ZNF609: variants seen among roughly 807,000 people sequenced by gnomAD.
ZNF609 encodes zinc finger protein 609.
A neutral mutation model predicts 109.5 loss-of-function variants in ZNF609; 11 were observed. The ratio of observed to expected loss-of-function variants is 0.10; its 90% CI spans 0.06 to 0.17. The LOEUF (loss-of-function observed/expected upper bound fraction) is 0.17, where lower values mean the gene tolerates loss of function less well. Ranked by LOEUF, ZNF609 falls within the 10% of genes least tolerant of loss-of-function variation. The pLI, the probability that ZNF609 is intolerant of heterozygous loss-of-function variation, is 1.00. For missense variants in ZNF609, 1,559 were observed against 1,772.4 expected (o/e 0.88, Z 2.16); for synonymous variants, 646 against 662.0 (o/e 0.98, Z 0.37).
At chr15:64,608,147 T>A (rs1895643981) in intron 2 of ZNF609, among the ~76,000 whole-genome samples, 1 of 152,074 alleles carries the variant, frequency 6.6e-6, no homozygotes, top group Non-Finnish European at 1.5e-5. Flanking sequence ...TCCGCCCGCC[T>A]TGGCCTCCCA....
At chr15:64,546,705 C>T (rs1463528810) in intron 2 of ZNF609, among the ~76,000 whole-genome samples, 1 of 151,798 alleles carries the variant, frequency 6.6e-6, no homozygotes, top group Non-Finnish European at 1.5e-5. Flanking sequence ...AGCTCCTAGA[C>T]TCAAGCAATC....
chr15:64,579,775 C>G (rs1046566338), intron 2 of ZNF609, among the ~76,000 whole-genome samples: 2 of 151,834 alleles, frequency 1.3e-5, no homozygotes, highest in Non-Finnish European at 2.9e-5. Context: ...CTATTATTGT[C>G]ATACAAATGA....
At chr15:64,485,955 T>C (rs926655546) in intron 1 of ZNF609, among the ~76,000 whole-genome samples, 3 of 152,204 alleles carry the variant, frequency 2.0e-5, no homozygotes, top group Non-Finnish European at 2.9e-5. Context: ...CACTTTTGTA[T>C]ATATGTGTTT....
At chr15:64,483,276 G>C (rs1893282738) in intron 1 of ZNF609, among the ~76,000 whole-genome samples, 1 of 152,134 alleles carries the variant, frequency 6.6e-6, no homozygotes, top group African/African-American at 2.4e-5. Context: ...TGTATTTTTA[G>C]TGGAGACGGG....
chr15:64,681,357 C>G lies in ZNF609; in HGVS notation c.4211C>G (p.Ser1404Ter). ...GCCAGCCAACAAGGCTCAACTCCCT[C>G]ACTCTACCCACCCCCCAGGAGGTGA... ...IVASQQGSTP[S>*]LYPPPRR Residue 1404 changes from serine to a stop codon, truncating the protein, a stop_gained, in exon 9 of 10, where the codon TCA becomes TGA. Coordinates refer to ENST00000326648, the MANE Select transcript of ZNF609 (RefSeq NM_015042.2). LOFTEE classifies it high-confidence loss of function. The G allele has an allele frequency of 1.2e-6, 2 of 1,614,128 alleles. No homozygotes were observed. Among genetic ancestry groups the G allele is most frequent in the Non-Finnish European group, 1.7e-6 (2 of 1,179,984 alleles).
At chr15:64,461,917 T>G (rs185583113) in intron 1 of ZNF609, among the ~76,000 whole-genome samples, 209 of 152,242 alleles carry the variant, frequency 1.4e-3, no homozygotes, top group Non-Finnish European at 2.0e-3. Flanking sequence ...GAGTGCTGGT[T>G]TAGGCTGTTG....
chr15:64,489,969 A>T (rs1346595886), intron 1 of ZNF609, among the ~76,000 whole-genome samples: 1 of 150,160 alleles, frequency 6.7e-6, no homozygotes, highest in African/African-American at 2.5e-5. Context: ...ATTTTTATTT[A>T]CTTGTTTGAG....
At chr15:64,504,305 C>CT (rs1233776887) in intron 2 of ZNF609, among the ~76,000 whole-genome samples, 1 of 152,188 alleles carries the variant, frequency 6.6e-6, no homozygotes, top group Admixed American at 6.5e-5. Flanking sequence ...ATAGAAGAAA[C>CT]TAAGACCAGT....
At chr15:64,588,360 G>A (rs150210092) in intron 2 of ZNF609, among the ~76,000 whole-genome samples, 6,648 of 128,824 alleles carry the variant, frequency 0.052, 224 homozygotes, top group South Asian at 0.097. Flanking sequence ...CCCAGGAGGC[G>A]GAGCTTGCAG....
At chr15:64,482,235 A>G (rs1893264778) in intron 1 of ZNF609, among the ~76,000 whole-genome samples, 1 of 152,238 alleles carries the variant, frequency 6.6e-6, no homozygotes, top group South Asian at 2.1e-4. Context: ...TTCTAGTACA[A>G]ATGATGATAG....
At chr15:64,468,036 G>A (rs1893038905) in intron 1 of ZNF609, among the ~76,000 whole-genome samples, 1 of 149,222 alleles carries the variant, frequency 6.7e-6, no homozygotes, top group Non-Finnish European at 1.5e-5. Context: ...TTTTGAGGCA[G>A]GGCCTTGCTC....
At chr15:64,633,797 C>T (rs1190909545) in intron 3 of ZNF609, among the ~76,000 whole-genome samples, 1 of 151,638 alleles carries the variant, frequency 6.6e-6, no homozygotes, top group Non-Finnish European at 1.5e-5. Flanking sequence ...AGGAGAATCG[C>T]TTGAACCCGG....
In ZNF609 at chr15:64,477,383, G is replaced by A. The variant is rs570140403; in HGVS notation, c.-128+16545G>A. 5.1e-3 allele frequency among the ~76,000 whole-genome samples: 767 copies of A among 151,722 alleles called. 8 individuals are homozygous for A. The highest frequency in any genetic ancestry group is 0.017 in the Middle Eastern group (5 of 292). ...TCTCGATCTCCTGACCTCGTGATCC[G>A]CCGGCCTCAGCCTCCCAAAGTGCTG... On this transcript the variant is annotated intron_variant, in intron 1 of 9. Transcript: ENST00000326648.
chr15:64,481,051 A>G (rs1893244940), intron 1 of ZNF609, among the ~76,000 whole-genome samples: 1 of 152,230 alleles, frequency 6.6e-6, no homozygotes, highest in Non-Finnish European at 1.5e-5. Context: ...TTATACCGTG[A>G]TTAAGTTCAG....
At chr15:64,569,918 C>T (rs1894834562) in intron 2 of ZNF609, among the ~76,000 whole-genome samples, 1 of 152,142 alleles carries the variant, frequency 6.6e-6, no homozygotes, top group Admixed American at 6.6e-5. Context: ...CTTTTTCTTT[C>T]TGGTGTATTT....
At chr15:64,517,304 G>A (rs1455139529) in intron 2 of ZNF609, among the ~76,000 whole-genome samples, 1 of 152,112 alleles carries the variant, frequency 6.6e-6, no homozygotes, top group Admixed American at 6.6e-5. Context: ...TTGAACCCGG[G>A]AAGTGGAGGC....
intron 2 of ZNF609, among the ~76,000 whole-genome samples, chr15:64,593,818 G>A (rs1895342899): frequency 6.6e-6 from 1 of 152,154 alleles, no homozygotes; most frequent in South Asian, 2.1e-4. Context: ...ACTGTACCCA[G>A]CCATTCCAGA....
chr15:64,671,807 T>G (rs1328282079), intron 4 of ZNF609, among the ~76,000 whole-genome samples: 1 of 152,132 alleles, frequency 6.6e-6, no homozygotes, highest in East Asian at 1.9e-4. Flanking sequence ...GAACAGTTCT[T>G]TTAGGAAAAG....
intron 2 of ZNF609, among the ~76,000 whole-genome samples, chr15:64,608,704 T>C (rs1354476480): frequency 1.4e-5 from 2 of 147,272 alleles, no homozygotes; most frequent in African/African-American, 4.9e-5. Flanking sequence ...AAAATTGTTA[T>C]ATGTGTGTAT....
Sources: allele counts gnomAD v4.1 joint callset (sites outside exome capture counted in the v4.1 genomes callset), GRCh38; gene constraint gnomAD v4.1.1; transcripts MANE v1.5; gene names NCBI Gene and HGNC (gene_info 2026-07-23, HGNC 2026-07-21).